The following ZNF567 variants were observed in gnomAD, a reference collection of about 807,000 sequenced individuals.
The protein encoded by ZNF567 is zinc finger protein 567.
A neutral mutation model predicts 53.9 loss-of-function variants in ZNF567; 36 were observed. The ratio of observed to expected loss-of-function variants is 0.67; its 90% CI spans 0.51 to 0.88. The LOEUF is 0.88. ZNF567 is among the 40% of genes least tolerant of loss of function. ZNF567 has a pLI of 0.00. For synonymous variants in ZNF567, 224 were observed against 260.4 expected (o/e 0.86, Z 1.35); for missense variants, 619 against 764.7 (o/e 0.81, Z 2.25).
chr19:36,712,192 G>A (rs747938845), intron 3 of ZNF567, 194 bp from the exon 4 acceptor site: 9 of 468,374 alleles, frequency 1.9e-5, no homozygotes, highest in East Asian at 4.5e-5. Flanking sequence ...GATTACAGGC[G>A]CACACCACTA....
the ZNF567 span, among the ~76,000 whole-genome samples, chr19:36,673,207 T>A: frequency 6.6e-6 from 1 of 152,238 alleles, no homozygotes; most frequent in Non-Finnish European, 1.5e-5. Flanking sequence ...GATAGTTGTA[T>A]CATGTTAAGC....
At chr19:36,671,611 G>T in the ZNF567 span, among the ~76,000 whole-genome samples, 2 of 152,164 alleles carry the variant, frequency 1.3e-5, no homozygotes, top group Non-Finnish European at 2.9e-5. Context: ...AGCAGAGAGG[G>T]ATGCCGTTTG....
intron 3 of ZNF567, among the ~76,000 whole-genome samples, chr19:36,696,398 T>C (rs1324488772): frequency 6.6e-6 from 1 of 152,228 alleles, no homozygotes; most frequent in African/African-American, 2.4e-5. Flanking sequence ...TTTTTTGATG[T>C]ATTGTCGAAA....
chr19:36,709,598 C>T (rs571468453), intron 3 of ZNF567, among the ~76,000 whole-genome samples: 2 of 151,954 alleles, frequency 1.3e-5, no homozygotes, highest in African/African-American at 2.4e-5. Flanking sequence ...ACAAAGTGCC[C>T]GGATTACAGA....
chr19:36,720,314 G>A lies in ZNF567; in HGVS notation c.1590G>A (p.Glu530=). 1 of 1,614,094 alleles carries A rather than the reference G, an allele frequency of 6.2e-7. No homozygotes were observed. Among genetic ancestry groups the A allele is most frequent in the Non-Finnish European group, 8.5e-7 (1 of 1,180,012 alleles). ...TACATCAGAGAATTCATACAGGGGA[G>A]AAACCCTATGTTTGTAATGAATGTG... ...LNLHQRIHTG[E]KPYVCNECGK... is the part of the protein sequence containing the mutation. Residue 530 remains glutamate (E), a synonymous_variant, in exon 6 of 6, where the codon GAG becomes GAA. Coordinates refer to ENST00000682579, the MANE Select transcript of ZNF567 (RefSeq NM_001322917.1).
intron 2 of ZNF567, among the ~76,000 whole-genome samples, chr19:36,694,450 G>A (rs1475768825): frequency 6.6e-6 from 1 of 152,126 alleles, no homozygotes; most frequent in African/African-American, 2.4e-5. Flanking sequence ...TCCTCAGTGT[G>A]GAATGACAGG....
At chr19:36,696,010 T>G (rs1458515674) in intron 3 of ZNF567, among the ~76,000 whole-genome samples, 3 of 152,190 alleles carry the variant, frequency 2.0e-5, no homozygotes, top group African/African-American at 7.2e-5. Flanking sequence ...TTCTCTACCT[T>G]CAGTTTTGCT....
intron 2 of ZNF567, among the ~76,000 whole-genome samples, chr19:36,690,164 CAAAT>C (rs920952982): frequency 7.9e-5 from 12 of 151,936 alleles, no homozygotes; most frequent in South Asian, 4.1e-4. Context: ...AAAACATTAA[CAAAT>C]AAATAGGGGG....
chr19:36,710,719 A>G (rs571476530), intron 3 of ZNF567, among the ~76,000 whole-genome samples: 204 of 152,014 alleles, frequency 1.3e-3, no homozygotes, highest in Non-Finnish European at 2.6e-3. Context: ...CACGTCCTGC[A>G]TTTCTCTTTT....
In ZNF567 at chr19:36,697,111, T is replaced by C. The variant is rs144292563; in HGVS notation, c.9+2235T>C. 3.9e-5 allele frequency among the ~76,000 whole-genome samples: 6 copies of C among 152,332 alleles called. No homozygotes were observed. The East Asian group carries it at 1.2e-3, about 29-fold the overall frequency. ...CGAGAATAATAATCATTAATGCTAATAGAGTTTTCCAGTTAATGAACATGA... is the reference window on the plus strand; with the variant it reads ...CGAGAATAATAATCATTAATGCTAACAGAGTTTTCCAGTTAATGAACATGA... On this transcript the variant is annotated intron_variant, in intron 3 of 5. Transcript: ENST00000682579.
chr19:36,720,707 G>T lies in ZNF567; in HGVS notation c.*39G>T. Reference sequence around the variant, plus strand: ...TTATATGAATTCTTTACAAGCTGTTGTAAACATTTAGTTTTAAAAAGAAAA... The same window carrying T: ...TTATATGAATTCTTTACAAGCTGTTTTAAACATTTAGTTTTAAAAAGAAAA... On this transcript the variant is annotated 3_prime_UTR_variant, in exon 6 of 6. Coordinates refer to ENST00000682579, the MANE Select transcript of ZNF567 (RefSeq NM_001322917.1). 2 of 1,480,496 alleles carry T rather than the reference G, an allele frequency of 1.4e-6. No homozygotes were observed. The highest frequency in any genetic ancestry group is 1.8e-6 in the Non-Finnish European group (2 of 1,115,310). The allele number at this position is 1,480,496 out of a possible 1,614,324, so 91.7% of individuals were successfully genotyped here. A position where few individuals can be genotyped will look rare whatever the true frequency, so the allele number is the denominator to read the frequency against.
chr19:36,683,764 G>A (rs1016141079), upstream of ZNF567, among the ~76,000 whole-genome samples: 7 of 152,152 alleles, frequency 4.6e-5, no homozygotes, highest in East Asian at 3.9e-4. Flanking sequence ...CCTTGGAGGC[G>A]GGGGTTGCAG....
At chr19:36,711,106 C>T (rs1254728546) in intron 3 of ZNF567, 1 of 152,328 alleles carries the variant, frequency 6.6e-6, no homozygotes, top group Admixed American at 6.6e-5. Context: ...CAGTCTCTCT[C>T]TGTCACCCAG....
Position 36,712,805 on chromosome 19 carries a change from T to G in ZNF567, c.161T>G (p.Val54Gly), listed in dbSNP as rs1277717216. Residue 54 changes from valine (V) to glycine (G), a missense_variant, in exon 5 of 6, where the codon GTG becomes GGG. Coordinates refer to ENST00000682579, the MANE Select transcript of ZNF567 (RefSeq NM_001322917.1). ...GGGTGTCACATGACCAAACCTGATG[T>G]GATCCTCAAGTTGGAACGAGGAGAA... ...SVGCHMTKPD[V>G]ILKLERGEEP... is the part of the protein sequence containing the mutation. 1.2e-6 allele frequency: 2 copies of G among 1,614,110 alleles called. No individual in the cohort carries two copies. The highest frequency in any genetic ancestry group is 3.3e-5 in the Admixed American group (2 of 59,990).
At chr19:36,706,988 C>T (rs377219377) in intron 3 of ZNF567, among the ~76,000 whole-genome samples, 1 of 151,960 alleles carries the variant, frequency 6.6e-6, no homozygotes, top group African/African-American at 2.4e-5. Flanking sequence ...TATGTTTTAA[C>T]GTTTATAGTT....
chr19:36,703,337 T>TGG (rs35641493), intron 3 of ZNF567, among the ~76,000 whole-genome samples: 11 of 151,308 alleles, frequency 7.3e-5, no homozygotes, highest in East Asian at 2.0e-4. Context: ...CTGCCCCTAC[T>TGG]GGGGGGGGTG....
At chr19:36,678,821 A>C in the ZNF567 span, among the ~76,000 whole-genome samples, 1 of 150,522 alleles carries the variant, frequency 6.6e-6, no homozygotes, top group Non-Finnish European at 1.5e-5. Context: ...CCAGCACTCC[A>C]GCCTAGGTGA....
intron 3 of ZNF567, among the ~76,000 whole-genome samples, chr19:36,698,495 G>A (rs372849763): frequency 1.9e-4 from 28 of 149,042 alleles, no homozygotes; most frequent in Middle Eastern, 3.5e-3. Flanking sequence ...CTGAGGAATC[G>A]CCACACTGAC....
At chr19:36,678,263 C>T in the ZNF567 span, among the ~76,000 whole-genome samples, 1 of 152,100 alleles carries the variant, frequency 6.6e-6, no homozygotes, top group Non-Finnish European at 1.5e-5. Context: ...GTCTGAGTTC[C>T]CAAAGACACC....
Sources: gnomAD v4.1 joint callset for allele counts (sites outside exome capture counted in the v4.1 genomes callset) on GRCh38, gnomAD v4.1.1 for gene constraint, MANE v1.5 for transcripts, NCBI Gene and HGNC (gene_info 2026-07-23, HGNC 2026-07-21) for gene names.